UBE2R2: variants seen among roughly 807,000 people sequenced by gnomAD.
UBE2R2 encodes ubiquitin conjugating enzyme E2 R2.
UBE2R2 carries 1 observed loss-of-function variant against 27.8 expected under a neutral mutation model. The observed-to-expected ratio is 0.04, with a 90% CI of 0.01 to 0.17. The LOEUF (loss-of-function observed/expected upper bound fraction) is 0.17. Ranked by LOEUF, UBE2R2 falls within the 10% of genes least tolerant of loss-of-function variation. The pLI is 1.00. For synonymous variants in UBE2R2, 106 were observed against 113.3 expected, an observed-to-expected ratio of 0.94 and a Z score of 0.41; for missense variants, 100 against 291.0, an observed-to-expected ratio of 0.34 and a Z score of 4.78.
intron 1 of UBE2R2, among the ~76,000 whole-genome samples, chr9:33,818,135 C>T (rs942143960): frequency 2.1e-5 from 3 of 139,752 alleles, no homozygotes; most frequent in Non-Finnish European, 4.7e-5. Flanking sequence ...GGCGGGGGCT[C>T]GGGCGGGGGC....
chr9:33,874,932 T>C (rs1363026479), intron 1 of UBE2R2, among the ~76,000 whole-genome samples: 1 of 152,136 alleles, frequency 6.6e-6, no homozygotes, highest in Non-Finnish European at 1.5e-5. Context: ...CCTCGCAAGG[T>C]GCTGGGATTA....
At chr9:33,907,117 G>A (rs1375238205) in intron 3 of UBE2R2, among the ~76,000 whole-genome samples, 1 of 152,202 alleles carries the variant, frequency 6.6e-6, no homozygotes, top group Non-Finnish European at 1.5e-5. Context: ...TATATATGAT[G>A]TGTTGGTCTT....
chr9:33,919,102 C>T lies in UBE2R2; in HGVS notation c.*1865C>T, dbSNP rs1201817867. 1 of 152,384 alleles carries T rather than the reference C, an allele frequency of 6.6e-6. No individual in the cohort carries two copies. Among genetic ancestry groups the T allele is most frequent in the East Asian group, 1.9e-4 (1 of 5,198 alleles). 9.4% of individuals were successfully genotyped at this position (152,384 alleles called of 1,614,324 possible). A position where few individuals can be genotyped will look rare whatever the true frequency, so the allele number is the denominator to read the frequency against. Reference sequence around the variant, plus strand: ...CACAGGGCCAGGGTTGCTACTTGCACCCAGAATCTAGTGATTTTAGTCAGA... The same window carrying T: ...CACAGGGCCAGGGTTGCTACTTGCATCCAGAATCTAGTGATTTTAGTCAGA... On this transcript the variant is annotated 3_prime_UTR_variant, in exon 5 of 5. Transcript: ENST00000263228.
intron 1 of UBE2R2, among the ~76,000 whole-genome samples, chr9:33,867,039 C>T (rs559886434): frequency 6.6e-6 from 1 of 152,228 alleles, no homozygotes; most frequent in Non-Finnish European, 1.5e-5. Context: ...TTGTCCCCTC[C>T]AATGTCCTAA....
Position 33,918,120 on chromosome 9 carries a change from T to C in UBE2R2, c.*883T>C, listed in dbSNP as rs1018534406. On this transcript the variant is annotated 3_prime_UTR_variant, in exon 5 of 5. Coordinates refer to ENST00000263228, the MANE Select transcript of UBE2R2 (RefSeq NM_017811.4). ...AAATCACTATGCTAAGTTTGGTTGA[T>C]GCTACTGGGGGGAAAAAGTTGAAAC... The C allele has an allele frequency of 2.0e-5, 3 of 153,264 alleles. No individual in the cohort carries two copies. Among genetic ancestry groups the C allele is most frequent in the East Asian group, 3.9e-4 (2 of 5,194 alleles). The allele number at this position is 153,264 out of a possible 1,614,324, so 9.5% of individuals were successfully genotyped here.
At chr9:33,900,856 CTG>C (rs1214569002) in intron 3 of UBE2R2, among the ~76,000 whole-genome samples, 4 of 152,196 alleles carry the variant, frequency 2.6e-5, no homozygotes. Flanking sequence ...GCATGAGCCA[CTG>C]TGCCCTGCTC....
chr9:33,897,921 A>G (rs1161995633), intron 2 of UBE2R2, among the ~76,000 whole-genome samples: 3 of 149,722 alleles, frequency 2.0e-5, no homozygotes, highest in East Asian at 4.0e-4. Context: ...GATTACAGGC[A>G]TGCACCACCA....
At chr9:33,891,425 C>T (rs973132359) in intron 2 of UBE2R2, among the ~76,000 whole-genome samples, 3 of 151,916 alleles carry the variant, frequency 2.0e-5, no homozygotes, top group African/African-American at 7.2e-5. Context: ...GTAGGCGGAC[C>T]ACTTGAGGCC....
intron 1 of UBE2R2, among the ~76,000 whole-genome samples, chr9:33,852,657 A>G (rs1820993666): frequency 6.6e-6 from 1 of 152,126 alleles, no homozygotes; most frequent in South Asian, 2.1e-4. Flanking sequence ...TGAGGGCCAT[A>G]CTGAATGGTA....
chr9:33,906,056 T>G (rs531527593), intron 3 of UBE2R2, among the ~76,000 whole-genome samples: 27 of 152,292 alleles, frequency 1.8e-4, no homozygotes, highest in Admixed American at 5.2e-4. Flanking sequence ...TGCCCATGAT[T>G]ATGGCGTGAA....
intron 2 of UBE2R2, among the ~76,000 whole-genome samples, chr9:33,897,840 A>G (rs1397313535): frequency 2.0e-5 from 3 of 148,956 alleles, no homozygotes; most frequent in Non-Finnish European, 3.0e-5. Context: ...CAATGGCACA[A>G]TCTCGGTTCA....
intron 1 of UBE2R2, among the ~76,000 whole-genome samples, chr9:33,848,095 G>A (rs1419168546): frequency 6.6e-6 from 1 of 152,032 alleles, no homozygotes; most frequent in Non-Finnish European, 1.5e-5. Context: ...GTTTTATACT[G>A]TCTATCCAAT....
At chr9:33,829,793 GTTTTTTTTT>G (rs36079457) in intron 1 of UBE2R2, among the ~76,000 whole-genome samples, 2 of 97,186 alleles carry the variant, frequency 2.1e-5, no homozygotes, top group Non-Finnish European at 4.1e-5. Flanking sequence ...TAGTGCAATC[GTTTTTTTTT>G]TTTTTTTTTT....
At chr9:33,859,104 A>G (rs1350361195) in intron 1 of UBE2R2, among the ~76,000 whole-genome samples, 2 of 152,150 alleles carry the variant, frequency 1.3e-5, no homozygotes, top group African/African-American at 4.8e-5. Context: ...GATTACAGAC[A>G]TGAGCCACCA....
chr9:33,841,134 G>A (rs1309076086), intron 1 of UBE2R2, among the ~76,000 whole-genome samples: 1 of 151,786 alleles, frequency 6.6e-6, no homozygotes, highest in Non-Finnish European at 1.5e-5. Context: ...CCAGGCTGGT[G>A]TGCAGTGGTG....
chr9:33,865,900 C>T (rs1238821518), intron 1 of UBE2R2, among the ~76,000 whole-genome samples: 1 of 148,274 alleles, frequency 6.7e-6, no homozygotes, highest in Non-Finnish European at 1.5e-5. Flanking sequence ...GGAGTGATGT[C>T]GGCTCACTGT....
intron 2 of UBE2R2, among the ~76,000 whole-genome samples, chr9:33,898,186 A>G (rs1214887937): frequency 6.6e-6 from 1 of 152,094 alleles, no homozygotes; most frequent in African/African-American, 2.4e-5. Context: ...CCCGGGTTCA[A>G]GGGATTCTCC....
chr9:33,819,720 C>G (rs1490212537), intron 1 of UBE2R2, among the ~76,000 whole-genome samples: 3 of 151,840 alleles, frequency 2.0e-5, no homozygotes, highest in Admixed American at 6.6e-5. Flanking sequence ...CTCACTGCAA[C>G]CTCCGCCTCC....
intron 1 of UBE2R2, among the ~76,000 whole-genome samples, chr9:33,879,237 GTCAA>G (rs1385768863): frequency 3.3e-5 from 5 of 152,156 alleles, no homozygotes; most frequent in Non-Finnish European, 4.4e-5. Flanking sequence ...GTCTTAATCA[GTCAA>G]TCAATCAGTC....
Sources: gnomAD v4.1 joint callset for allele counts (sites outside exome capture counted in the v4.1 genomes callset) on GRCh38, gnomAD v4.1.1 for gene constraint, MANE v1.5 for transcripts, NCBI Gene and HGNC (gene_info 2026-07-23, HGNC 2026-07-21) for gene names.